Variants in GABRB1 observed in about 807,000 individuals in gnomAD.
The protein encoded by GABRB1 is gamma-aminobutyric acid receptor subunit beta-1.
In GABRB1, 17 loss-of-function variants were observed where a neutral mutation model predicts 51.6. The ratio of observed to expected loss-of-function variants is 0.33; its 90% CI spans 0.23 to 0.49. The LOEUF (loss-of-function observed/expected upper bound fraction) is 0.49, where lower values mean the gene tolerates loss of function less well. Among genes scored for constraint, GABRB1 ranks in the 20% least tolerant of loss-of-function variants. The pLI is 0.99. For missense variants in GABRB1, 410 were observed against 600.6 expected (o/e 0.68, Z 3.32); for synonymous variants, 247 against 218.9 (o/e 1.13, Z -1.14).
At chr4:47,155,336 G>A (rs924776355) in intron 3 of GABRB1, among the ~76,000 whole-genome samples, 1 of 151,964 alleles carries the variant, frequency 6.6e-6, no homozygotes, top group Non-Finnish European at 1.5e-5. Context: ...GCCTGTACTT[G>A]GGACTGCTTT....
chr4:47,054,371 T>A (rs1352532311), intron 3 of GABRB1, among the ~76,000 whole-genome samples: 1 of 152,210 alleles, frequency 6.6e-6, no homozygotes, highest in Non-Finnish European at 1.5e-5. Context: ...TGCCACGTGA[T>A]CTTCTAAAAG....
intron 3 of GABRB1, among the ~76,000 whole-genome samples, chr4:47,130,860 G>A (rs7676425): frequency 0.99 from 150,598 of 152,250 alleles, 74,499 homozygotes; most frequent in Middle Eastern, 1. Context: ...TGTCCTTCAA[G>A]GGATTAAGTG....
At chr4:47,062,274 C>T (rs77656416) in intron 3 of GABRB1, among the ~76,000 whole-genome samples, 2,165 of 151,224 alleles carry the variant, frequency 0.014, 42 homozygotes, top group African/African-American at 0.05. Context: ...TCCAGTGACT[C>T]CTTCAGGTCA....
intron 4 of GABRB1, among the ~76,000 whole-genome samples, chr4:47,318,550 A>G (rs1390533911): frequency 6.6e-6 from 1 of 152,054 alleles, no homozygotes; most frequent in Non-Finnish European, 1.5e-5. Context: ...GTCCACTTAC[A>G]TTCAGCAGGT....
Position 47,069,806 on chromosome 4 carries a change from T to C in GABRB1, c.240+37322T>C, listed in dbSNP as rs555427593. On this transcript the variant is annotated intron_variant, in intron 3 of 8. Transcript: ENST00000295454. ...AGTCCTATTTCTCTTTATTTCTTTA[T>C]AACAAACATTTTTTAAAGTGTTGAC... 5.3e-5 allele frequency among the ~76,000 whole-genome samples: 8 copies of C among 152,276 alleles called. No homozygotes were observed. The South Asian group carries it at 1.2e-3, about 24-fold the overall frequency.
intron 4 of GABRB1, among the ~76,000 whole-genome samples, chr4:47,285,739 C>T (rs536065159): frequency 2.1e-4 from 32 of 152,256 alleles, no homozygotes; most frequent in African/African-American, 6.3e-4. Context: ...GAAATAGCAT[C>T]TACATTTTAG....
intron 4 of GABRB1, among the ~76,000 whole-genome samples, chr4:47,232,094 T>G (rs1276747383): frequency 6.6e-6 from 1 of 152,154 alleles, no homozygotes; most frequent in Non-Finnish European, 1.5e-5. Context: ...AGTTAACTCC[T>G]CTCCCACCTG....
chr4:47,404,606 C>T (rs1728508306), intron 7 of GABRB1, among the ~76,000 whole-genome samples: 1 of 152,190 alleles, frequency 6.6e-6, no homozygotes, highest in South Asian at 2.1e-4. Flanking sequence ...TCAGCATACC[C>T]GTTCACAGCT....
intron 5 of GABRB1, among the ~76,000 whole-genome samples, chr4:47,321,773 T>C (rs892535047): frequency 1.2e-3 from 28 of 22,890 alleles, no homozygotes; most frequent in Non-Finnish European, 1.9e-3. Flanking sequence ...CCATTGACTT[T>C]GTGATTTTTT....
rs536070284 is a variant in GABRB1 at position 47,336,170 on chromosome 4, G to A, written c.544+15961G>A. 2.0e-4 allele frequency among the ~76,000 whole-genome samples: 31 copies of A among 152,268 alleles called. No homozygotes were observed. The South Asian group carries it at 6.0e-3, about 30-fold the overall frequency. ...TTAGACATTTAAGTGGAGATATCAA[G>A]TGAAAGTCTAAGTTTAGAGTTCAGA... On this transcript the variant is annotated intron_variant, in intron 5 of 8. Coordinates refer to ENST00000295454, the MANE Select transcript of GABRB1 (RefSeq NM_000812.4).
intron 4 of GABRB1, among the ~76,000 whole-genome samples, chr4:47,288,337 A>T (rs1263761271): frequency 2.0e-5 from 3 of 151,872 alleles, no homozygotes; most frequent in Non-Finnish European, 2.9e-5. Context: ...ATCTCGGCTC[A>T]CTGCAACCTC....
At chr4:47,096,525 C>T (rs951079655) in intron 3 of GABRB1, among the ~76,000 whole-genome samples, 3 of 152,158 alleles carry the variant, frequency 2.0e-5, no homozygotes, top group African/African-American at 7.2e-5. Context: ...TGCCCTAATC[C>T]TCGGAACCTG....
intron 4 of GABRB1, among the ~76,000 whole-genome samples, chr4:47,291,410 A>G (rs1723724735): frequency 6.6e-6 from 1 of 152,184 alleles, no homozygotes. Flanking sequence ...GCAGTGCAGA[A>G]GGGAAATGTG....
intron 3 of GABRB1, among the ~76,000 whole-genome samples, chr4:47,156,227 C>G (rs972353585): frequency 6.6e-6 from 1 of 151,690 alleles, no homozygotes. Context: ...TTCCAGTATC[C>G]ATTACTGCCT....
chr4:47,129,564 A>G (rs1351290796), intron 3 of GABRB1, among the ~76,000 whole-genome samples: 3 of 152,244 alleles, frequency 2.0e-5, no homozygotes, highest in African/African-American at 7.2e-5. Context: ...AAGCACTTAC[A>G]GTTGACTAAC....
chr4:47,375,101 G>T (rs887639184), intron 5 of GABRB1, among the ~76,000 whole-genome samples: 5 of 152,180 alleles, frequency 3.3e-5, no homozygotes, highest in Non-Finnish European at 4.4e-5. Context: ...GAACCTAGGG[G>T]CATTATTAGT....
At chr4:47,035,661 C>T (rs1459678871) in intron 3 of GABRB1, among the ~76,000 whole-genome samples, 2 of 152,132 alleles carry the variant, frequency 1.3e-5, no homozygotes, top group African/African-American at 4.8e-5. Flanking sequence ...CACATACACA[C>T]ACACGCACAA....
intron 3 of GABRB1, among the ~76,000 whole-genome samples, chr4:47,136,200 C>T (rs1042930000): frequency 2.6e-4 from 40 of 152,102 alleles, no homozygotes; most frequent in Non-Finnish European, 7.4e-5. Flanking sequence ...ATGTGTTGCT[C>T]AGGTTGATCT....
chr4:47,149,882 T>C (rs970580176), intron 3 of GABRB1, among the ~76,000 whole-genome samples: 1 of 151,982 alleles, frequency 6.6e-6, no homozygotes, highest in Non-Finnish European at 1.5e-5. Context: ...GACACTTCTA[T>C]CCAGACTCAG....
Sources: allele counts gnomAD v4.1 joint callset (sites outside exome capture counted in the v4.1 genomes callset), GRCh38; gene constraint gnomAD v4.1.1; transcripts MANE v1.5; gene names NCBI Gene and HGNC (gene_info 2026-07-23, HGNC 2026-07-21).